The following SPNS3 variants were observed in gnomAD, a reference collection of about 807,000 sequenced individuals.
SPNS3 encodes protein spinster homolog 3.
SPNS3 carries 51 observed loss-of-function variants against 54.4 expected under a neutral mutation model. The observed-to-expected ratio is 0.94, with a 90% confidence interval of 0.75 to 1.18. The LOEUF (loss-of-function observed/expected upper bound fraction) is 1.18, where lower values mean the gene tolerates loss of function less well. Ranked by LOEUF, SPNS3 falls within the 50% of genes most tolerant of loss-of-function variation. SPNS3 has a pLI of 0.00. For synonymous variants in SPNS3, 309 were observed against 294.7 expected (o/e 1.05, Z -0.50); for missense variants, 669 against 677.4 (o/e 0.99, Z 0.14).
intron 8 of SPNS3, among the ~76,000 whole-genome samples, chr17:4,474,829 GTCA>G (rs1420375815): frequency 6.8e-6 from 1 of 147,774 alleles, no homozygotes; most frequent in Admixed American, 6.9e-5. Flanking sequence ...AGGGTTTATA[GTCA>G]TCATCTTTCT....
chr17:4,446,112 T>G lies in SPNS3; in HGVS notation c.467T>G (p.Ile156Ser). 1 of 1,613,480 alleles carries G rather than the reference T, an allele frequency of 6.2e-7. No homozygotes were observed. The highest frequency in any genetic ancestry group is 8.5e-7 in the Non-Finnish European group (1 of 1,179,572). Residue 156 changes from isoleucine (I) to serine (S), a missense_variant, in exon 4 of 12, where the codon ATC (isoleucine) becomes AGC (serine). Transcript: ENST00000355530. The part of the protein sequence containing the change: ...VGTGSASYST[I>S]APTVLGDLFV... ...ACTGGCTCGGCCAGCTACTCCACCA[T>G]CGCGCCCACCGTCCTGGGCGACCTC...
intron 2 of SPNS3, among the ~76,000 whole-genome samples, chr17:4,440,243 G>A (rs951709163): frequency 3.9e-5 from 6 of 152,194 alleles, no homozygotes; most frequent in Admixed American, 2.0e-4. Context: ...ACATCAGAGC[G>A]GTTGGGGTCA....
intron 8 of SPNS3, among the ~76,000 whole-genome samples, chr17:4,461,323 A>C (rs963072202): frequency 1.7e-5 from 2 of 116,096 alleles, no homozygotes; most frequent in African/African-American, 3.1e-5. Context: ...AATTTTTCTC[A>C]ATTTTTTTCT....
intron 7 of SPNS3, among the ~76,000 whole-genome samples, chr17:4,450,416 T>A (rs530882696): frequency 7.3e-6 from 1 of 137,100 alleles, no homozygotes; most frequent in African/African-American, 2.7e-5. Context: ...TTACTTCTCT[T>A]CTTTTCTTTC....
At chr17:4,487,561 G>T (rs1567580753) in intron 11 of SPNS3, among the ~76,000 whole-genome samples, 1 of 152,260 alleles carries the variant, frequency 6.6e-6, no homozygotes, top group Non-Finnish European at 1.5e-5. Context: ...CCTGGCTGCT[G>T]TGTTGAGAAC....
At chr17:4,442,111 G>T (rs1970868464) in intron 2 of SPNS3, among the ~76,000 whole-genome samples, 1 of 151,984 alleles carries the variant, frequency 6.6e-6, no homozygotes, top group South Asian at 2.1e-4. Flanking sequence ...GACCAGGCTG[G>T]TCTCTGGTGG....
chr17:4,437,035 C>T (rs56953769), intron 1 of SPNS3, among the ~76,000 whole-genome samples: 5,435 of 152,320 alleles, frequency 0.036, 326 homozygotes, highest in African/African-American at 0.12. Flanking sequence ...TCAGCACTTC[C>T]TCTGTATGTG....
At chr17:4,441,983 AGTGTGTGTGTGT>A (rs373836833) in intron 2 of SPNS3, among the ~76,000 whole-genome samples, 1 of 139,000 alleles carries the variant, frequency 7.2e-6, no homozygotes, top group African/African-American at 2.7e-5. Flanking sequence ...CGGAGGGAGA[AGTGTGTGTGTGT>A]GTGTGTGTGT....
chr17:4,468,400 C>T (rs898117722), intron 8 of SPNS3, among the ~76,000 whole-genome samples: 15 of 152,210 alleles, frequency 9.9e-5, no homozygotes, highest in African/African-American at 2.6e-4. Context: ...ACCAGGGTAG[C>T]TATGGAGGAA....
chr17:4,455,459 G>A (rs988003861), intron 8 of SPNS3, among the ~76,000 whole-genome samples: 1 of 152,328 alleles, frequency 6.6e-6, no homozygotes, highest in Non-Finnish European at 1.5e-5. Context: ...GCCCAGAGGC[G>A]GGGTGTGGGG....
At chr17:4,481,112 G>GGAGC (rs1972138705) in intron 9 of SPNS3, among the ~76,000 whole-genome samples, 1 of 152,126 alleles carries the variant, frequency 6.6e-6, no homozygotes, top group African/African-American at 2.4e-5. Flanking sequence ...TGAGCTGACA[G>GGAGC]GAGCAAAGGG....
chr17:4,455,526 T>C (rs1971286578), intron 8 of SPNS3, among the ~76,000 whole-genome samples: 1 of 152,186 alleles, frequency 6.6e-6, no homozygotes, highest in South Asian at 2.1e-4. Flanking sequence ...GCCCAATTCC[T>C]TGATGCAAGG....
rs145883154 is a variant in SPNS3 at position 4,464,637 on chromosome 17, C to T, written c.1113+11432C>T. Reference sequence around the variant, plus strand: ...AATGGGAGTGCTACTCTTTACCTCTCGGCTTCATTAAAGAGATAAGCAAAC... The same window carrying T: ...AATGGGAGTGCTACTCTTTACCTCTTGGCTTCATTAAAGAGATAAGCAAAC... On this transcript the variant is annotated intron_variant, in intron 8 of 11. Coordinates refer to ENST00000355530, the MANE Select transcript of SPNS3 (RefSeq NM_182538.5). Among the ~76,000 whole-genome samples, 25 of 152,272 alleles carry T rather than the reference C, an allele frequency of 1.6e-4. No individual in the cohort carries two copies. The East Asian group carries it at 3.3e-3, about 20-fold the overall frequency.
rs1158612919 is a variant in SPNS3, at chr17:4,449,406, C to T, written c.923+19C>T. On this transcript the variant is annotated intron_variant, in intron 7 of 11. Coordinates refer to ENST00000355530, the MANE Select transcript of SPNS3 (RefSeq NM_182538.5). ...CCGACAGGTGAGGGCATCCGGGGGC[C>T]CTGGGCACCTGGCCCGGCTCGGGGG... 8 of 1,559,376 alleles carry T rather than the reference C, an allele frequency of 5.1e-6. No individual in the cohort carries two copies. Among genetic ancestry groups the T allele is most frequent in the Non-Finnish European group, 6.9e-6 (8 of 1,162,580 alleles).
At chr17:4,482,478 T>G (rs1972189406) in intron 9 of SPNS3, 1 of 151,988 alleles carries the variant, frequency 6.6e-6, no homozygotes, top group Admixed American at 6.6e-5. Flanking sequence ...CGCCGCAAGC[T>G]CCCCAGTCCA....
chr17:4,475,365 T>G (rs1971962202), intron 8 of SPNS3, among the ~76,000 whole-genome samples: 1 of 151,986 alleles, frequency 6.6e-6, no homozygotes, highest in African/African-American at 2.4e-5. Flanking sequence ...CCTGGGAAAC[T>G]GGGGAGGAGA....
At chr17:4,448,949 A>C (rs1204039145) in intron 6 of SPNS3, among the ~76,000 whole-genome samples, 3 of 152,082 alleles carry the variant, frequency 2.0e-5, no homozygotes, top group East Asian at 3.9e-4. Context: ...AGGAGGAGGC[A>C]AGGTGTGTGA....
intron 8 of SPNS3, among the ~76,000 whole-genome samples, chr17:4,476,971 G>C (rs1972019626): frequency 6.6e-6 from 1 of 152,192 alleles, no homozygotes; most frequent in East Asian, 1.9e-4. Context: ...TGGCTGTCCT[G>C]GGCCCGTCCT....
chr17:4,458,158 C>G (rs1251567171), intron 8 of SPNS3, among the ~76,000 whole-genome samples: 1 of 152,204 alleles, frequency 6.6e-6, no homozygotes, highest in Non-Finnish European at 1.5e-5. Flanking sequence ...GTCCTCTCTG[C>G]CCTTCCCTGG....
Sources: gnomAD v4.1 joint callset for allele counts (sites outside exome capture counted in the v4.1 genomes callset) on GRCh38, gnomAD v4.1.1 for gene constraint, MANE v1.5 for transcripts, NCBI Gene and HGNC (gene_info 2026-07-23, HGNC 2026-07-21) for gene names.